The following STYXL1 variants were observed in gnomAD, a reference collection of about 807,000 sequenced individuals.
STYXL1 encodes the protein serine/threonine/tyrosine-interacting-like protein 1.
STYXL1 carries 32 observed loss-of-function variants against 36.4 expected under a neutral mutation model. The observed-to-expected ratio is 0.88, with a 90% CI of 0.66 to 1.18. The LOEUF (loss-of-function observed/expected upper bound fraction) is 1.18. Among genes scored for constraint, STYXL1 ranks in the 50% most tolerant of loss-of-function variants. The pLI is 0.00. For synonymous variants in STYXL1, 133 were observed against 144.1 expected, an observed-to-expected ratio of 0.92 and a Z score of 0.55; for missense variants, 354 against 394.1, an observed-to-expected ratio of 0.90 and a Z score of 0.86.
At chr7:76,022,016 A>C (rs1305811922) in intron 3 of STYXL1, 24 bp from the exon 4 acceptor site, 4 of 1,595,188 alleles carry the variant, frequency 2.5e-6, no homozygotes, top group Non-Finnish European at 3.4e-6. Flanking sequence ...ACACACACAC[A>C]CAAGAGAGGC....
chr7:76,032,740 G>A lies in STYXL1; in HGVS notation c.-4-2213C>T, dbSNP rs139396589. Among the ~76,000 whole-genome samples, 16 of 152,228 alleles carry A rather than the reference G, an allele frequency of 1.1e-4. No homozygotes were observed. The East Asian group carries it at 2.7e-3, about 26-fold the overall frequency. On this transcript the variant is annotated intron_variant, in intron 1 of 8. Transcript: ENST00000359697. ...CAAACAAAAACAAGTAGGATCCATT[G>A]TGACAGGAGTACCTAACAGGAGGTT... is the stretch of plus-strand genomic sequence containing the variant.
intron 3 of STYXL1, among the ~76,000 whole-genome samples, chr7:76,026,114 C>T (rs1389270616): frequency 7.6e-6 from 1 of 132,286 alleles, no homozygotes; most frequent in Non-Finnish European, 1.5e-5. Context: ...ATGGCGTTAA[C>T]CCGGGAGGTG....
In STYXL1 at chr7:76,038,169, C is replaced by T. The variant is rs1023651766; in HGVS notation, c.-4-7642G>A. The stretch of plus-strand genomic sequence containing the variant: ...CTGCAGCCTCAAGCGATCCTCCCAC[C>T]TCAGCCTCCTGAGTAGCTGAGGCTA... On this transcript the variant is annotated intron_variant, in intron 1 of 8. Transcript: ENST00000359697. Among the ~76,000 whole-genome samples, 33 of 149,910 alleles carry T rather than the reference C, an allele frequency of 2.2e-4. 2 individuals are homozygous for T. Among genetic ancestry groups the T allele is most frequent in the African/African-American group, 7.6e-4 (31 of 40,982 alleles).
chr7:76,030,955 G>C (rs1481252670), intron 1 of STYXL1, among the ~76,000 whole-genome samples: 27 of 151,678 alleles, frequency 1.8e-4, no homozygotes, highest in Non-Finnish European at 2.9e-5. Context: ...AAGGTCAGGA[G>C]TTCAAGAGAA....
At position 75,996,417 on chromosome 7, in the gene STYXL1, A is replaced by T; in HGVS notation, c.*51T>A. On this transcript the variant is annotated 3_prime_UTR_variant, in exon 9 of 9. Coordinates refer to ENST00000359697, the MANE Select transcript of STYXL1 (RefSeq NM_001317785.2). ...ACACACTCTGGCCCTCCACCCACAAAATGCCCCCAGGTGAGGCTCTTCAGT... is the reference window on the plus strand; with the variant it reads ...ACACACTCTGGCCCTCCACCCACAATATGCCCCCAGGTGAGGCTCTTCAGT... 1.2e-6 allele frequency: 2 copies of T among 1,613,786 alleles called. No homozygotes were observed. The highest frequency in any genetic ancestry group is 1.7e-6 in the Non-Finnish European group (2 of 1,179,842).
intron 5 of STYXL1, among the ~76,000 whole-genome samples, chr7:76,010,070 T>C (rs1792366968): frequency 6.6e-6 from 1 of 152,030 alleles, no homozygotes; most frequent in Non-Finnish European, 1.5e-5. Flanking sequence ...AATGAGGAGG[T>C]GGCAGTGATG....
In STYXL1 at chr7:75,998,110, A is replaced by T. The variant is rs539864746; in HGVS notation, c.811-1511T>A. Among the ~76,000 whole-genome samples the T allele has an allele frequency of 2.6e-5, 4 of 152,318 alleles. No homozygotes were observed. In the South Asian group the frequency reaches 8.3e-4, roughly 32 times the overall value. ...AAATCCATCCTAAAATTCATATGGA[A>T]TCTCAAAGGACCCCATAAAAAATAT... On this transcript the variant is annotated intron_variant, in intron 8 of 8. Coordinates refer to ENST00000359697, the MANE Select transcript of STYXL1 (RefSeq NM_001317785.2).
intron 5 of STYXL1, among the ~76,000 whole-genome samples, chr7:76,012,127 C>T (rs192124161): frequency 6.6e-6 from 1 of 152,258 alleles, no homozygotes; most frequent in East Asian, 1.9e-4. Flanking sequence ...TGGTGAAACC[C>T]TGTCTCTACT....
At chr7:76,046,274 C>CTGTGTGTGTGTGTG (rs782245806) in intron 1 of STYXL1, among the ~76,000 whole-genome samples, 29 of 103,178 alleles carry the variant, frequency 2.8e-4, no homozygotes, top group African/African-American at 9.6e-4. Flanking sequence ...AGCTTATCTG[C>CTGTGTGTGTGTGTG]TGTGTGTGTG....
chr7:76,030,959 A>G (rs1430410630), intron 1 of STYXL1, among the ~76,000 whole-genome samples: 1 of 151,552 alleles, frequency 6.6e-6, no homozygotes, highest in Non-Finnish European at 1.5e-5. Flanking sequence ...TCAGGAGTTC[A>G]AGAGAAGCCT....
chr7:76,043,606 A>G lies in STYXL1; in HGVS notation c.-5+4056T>C, dbSNP rs948647191. The stretch of plus-strand genomic sequence containing the variant: ...GGAACTGGAGGTAAGAAAGACCCCC[A>G]GAAGCACTGCATGGGAGAGTCAGTT... On this transcript the variant is annotated intron_variant, in intron 1 of 8. Coordinates refer to ENST00000359697, the MANE Select transcript of STYXL1 (RefSeq NM_001317785.2). Among the ~76,000 whole-genome samples, 5 of 152,190 alleles carry G rather than the reference A, an allele frequency of 3.3e-5. No individual in the cohort carries two copies. The East Asian group carries it at 5.8e-4, about 18-fold the overall frequency.
Position 76,022,008 on chromosome 7 carries a change from A to C in STYXL1, c.166-16T>G. 6.3e-7 allele frequency: 1 copy of C among 1,596,908 alleles called. No homozygotes were observed. Among genetic ancestry groups the C allele is most frequent in the Non-Finnish European group, 8.5e-7 (1 of 1,177,728 alleles). ...CATTATTTTTCTTAAAAAAAAAAAC[A>C]CACACACACAAGAGAGGCCTGTTGG... On this transcript the variant is annotated splice_polypyrimidine_tract_variant and intron_variant, in intron 3 of 8. Coordinates refer to ENST00000359697, the MANE Select transcript of STYXL1 (RefSeq NM_001317785.2).
At chr7:76,012,745 C>T (rs1297901635) in intron 5 of STYXL1, among the ~76,000 whole-genome samples, 1 of 151,310 alleles carries the variant, frequency 6.6e-6, no homozygotes, top group African/African-American at 2.4e-5. Flanking sequence ...TTGCTCAGGC[C>T]GGTCTCAAAG....
chr7:76,001,138 C>T (rs1554567077), intron 7 of STYXL1, 136 bp from the exon 8 acceptor site: 1 of 666,140 alleles, frequency 1.5e-6, no homozygotes, highest in East Asian at 2.7e-5. Flanking sequence ...TCGGCAAGTC[C>T]CATGATTTCT....
At chr7:76,028,121 G>A (rs929526310) in intron 3 of STYXL1, among the ~76,000 whole-genome samples, 16 of 152,206 alleles carry the variant, frequency 1.1e-4, no homozygotes, top group Admixed American at 5.9e-4. Flanking sequence ...TACAAACTCC[G>A]CCTCCCAGGT....
chr7:76,009,304 A>G (rs1792241697), intron 5 of STYXL1, among the ~76,000 whole-genome samples: 1 of 148,684 alleles, frequency 6.7e-6, no homozygotes, highest in Non-Finnish European at 1.5e-5. Flanking sequence ...CCCAGAATGA[A>G]CCACATCACA....
chr7:76,003,656 T>C (rs1244721002), intron 7 of STYXL1, 102 bp downstream of exon 7: 12 of 1,069,700 alleles, frequency 1.1e-5, no homozygotes, highest in Admixed American at 2.1e-5. Context: ...CTCTAGAGCA[T>C]GGGGAAATCA....
At chr7:76,040,705 G>A (rs782686247) in intron 1 of STYXL1, among the ~76,000 whole-genome samples, 1 of 151,002 alleles carries the variant, frequency 6.6e-6, no homozygotes, top group Non-Finnish European at 1.5e-5. Context: ...GCGTGGTGGC[G>A]CATACCTGTA....
At chr7:76,005,893 A>AG (rs1554570152) in intron 5 of STYXL1, among the ~76,000 whole-genome samples, 6 of 108,416 alleles carry the variant, frequency 5.5e-5, no homozygotes, top group Non-Finnish European at 9.4e-5. Context: ...GAGGAGGAGG[A>AG]GGAGGAGAGA....
Sources: gnomAD v4.1 joint callset for allele counts (sites outside exome capture counted in the v4.1 genomes callset) on GRCh38, gnomAD v4.1.1 for gene constraint, MANE v1.5 for transcripts, NCBI Gene and HGNC (gene_info 2026-07-23, HGNC 2026-07-21) for gene names.